TNR: variants seen among roughly 807,000 people sequenced by gnomAD.
The protein encoded by TNR is tenascin R.
Under a neutral mutation model 150.4 loss-of-function variants are expected in TNR, and 45 were observed. The ratio of observed to expected loss-of-function variants is 0.30; its 90% confidence interval spans 0.24 to 0.38. The LOEUF is 0.38. TNR is among the 10% of genes least tolerant of loss of function. The probability of loss-of-function intolerance (pLI) is 1.00; values close to 1 mark genes in which losing one functional copy is unlikely to be tolerated. For missense variants in TNR, 1,544 were observed against 1,759.1 expected (o/e 0.88, Z 2.19); for synonymous variants, 687 against 678.4 (o/e 1.01, Z -0.20).
At chr1:175,621,798 G>C (rs368350433) in intron 1 of TNR, among the ~76,000 whole-genome samples, 1 of 152,154 alleles carries the variant, frequency 6.6e-6, no homozygotes, top group Non-Finnish European at 1.5e-5. Context: ...CATTCAACAT[G>C]TTTTGAATTA....
At chr1:175,391,203 G>T (rs772831861) in intron 7 of TNR, 85 bp downstream of exon 7, 2 of 1,524,612 alleles carry the variant, frequency 1.3e-6, no homozygotes, top group Non-Finnish European at 1.8e-6. Flanking sequence ...CACCTCTGTT[G>T]TCTCTCCACT....
chr1:175,433,657 G>A (rs576424542), intron 2 of TNR, among the ~76,000 whole-genome samples: 50 of 152,266 alleles, frequency 3.3e-4, no homozygotes, highest in African/African-American at 1.2e-3. Flanking sequence ...TGTAGGAGAG[G>A]GCTTCATCAA....
At chr1:175,435,481 A>G (rs977278884) in intron 2 of TNR, among the ~76,000 whole-genome samples, 2 of 152,184 alleles carry the variant, frequency 1.3e-5, no homozygotes, top group African/African-American at 4.8e-5. Context: ...GGGACATATG[A>G]AATTTGAGAT....
Position 175,330,952 on chromosome 1 carries a change from C to T in TNR, c.3632-717G>A, listed in dbSNP as rs1046304181. ...CTAATATATTCTTTTAAGGTGCAAA[C>T]CTTTGTAAGTCCCCAGGTTAGGCAG... On this transcript the variant is annotated intron_variant, in intron 20 of 22. Coordinates refer to ENST00000367674, the MANE Select transcript of TNR (RefSeq NM_003285.3). Among the ~76,000 whole-genome samples the T allele has an allele frequency of 2.6e-5, 4 of 152,088 alleles. No individual in the cohort carries two copies. The East Asian group carries it at 7.7e-4, about 29-fold the overall frequency.
At chr1:175,431,756 G>A (rs1313497599) in intron 2 of TNR, among the ~76,000 whole-genome samples, 1 of 151,996 alleles carries the variant, frequency 6.6e-6, no homozygotes, top group Non-Finnish European at 1.5e-5. Flanking sequence ...TCCCTCAAGG[G>A]CAGAGCCAGA....
chr1:175,369,673 C>T (rs368162694), intron 9 of TNR, among the ~76,000 whole-genome samples: 20 of 150,086 alleles, frequency 1.3e-4, no homozygotes, highest in African/African-American at 2.2e-4. Flanking sequence ...GATGCCCCCC[C>T]GGATTCTGGT....
intron 1 of TNR, among the ~76,000 whole-genome samples, chr1:175,550,733 TCAAAA>T (rs572791470): frequency 4.1e-4 from 58 of 143,142 alleles, no homozygotes; most frequent in South Asian, 1.1e-3. Flanking sequence ...TAGAAAAAAA[TCAAAA>T]CAAAGAAGAA....
intron 1 of TNR, among the ~76,000 whole-genome samples, chr1:175,570,632 C>T (rs1193239728): frequency 6.6e-6 from 1 of 151,972 alleles, no homozygotes; most frequent in Non-Finnish European, 1.5e-5. Flanking sequence ...TTCTTCTTTC[C>T]TTTTTTCCTT....
intron 1 of TNR, among the ~76,000 whole-genome samples, chr1:175,592,863 C>G (rs1662854732): frequency 6.6e-6 from 1 of 152,206 alleles, no homozygotes; most frequent in Non-Finnish European, 1.5e-5. Context: ...ATCTTCTCCT[C>G]TCATCCTTCC....
At chr1:175,451,074 TGACCAAAGAGCTCA>T (rs1003421211) in intron 2 of TNR, among the ~76,000 whole-genome samples, 1 of 152,170 alleles carries the variant, frequency 6.6e-6, no homozygotes, top group Non-Finnish European at 1.5e-5. Context: ...TTGTTTTATC[TGACCAAAGAGCTCA>T]AAAACTTAGA....
At chr1:175,734,901 A>C in intron 1 of TNR, among the ~76,000 whole-genome samples, 1 of 152,242 alleles carries the variant, frequency 6.6e-6, no homozygotes. Context: ...CATTTGCAGA[A>C]AGACAGGAAG....
chr1:175,650,813 C>G (rs1054321189), intron 1 of TNR, among the ~76,000 whole-genome samples: 3 of 3,814 alleles, frequency 7.9e-4, no homozygotes, highest in African/African-American at 2.6e-3. Context: ...TACTACCTGT[C>G]CCCCACCTCC....
At chr1:175,539,554 T>C (rs1660420462) in intron 1 of TNR, among the ~76,000 whole-genome samples, 1 of 152,212 alleles carries the variant, frequency 6.6e-6, no homozygotes, top group Admixed American at 6.5e-5. Context: ...ACCTGCTGGC[T>C]CTGGAAGGTC....
intron 1 of TNR, among the ~76,000 whole-genome samples, chr1:175,714,374 C>T (rs1365524721): frequency 6.6e-6 from 1 of 152,124 alleles, no homozygotes; most frequent in African/African-American, 2.4e-5. Flanking sequence ...TTAAAATAAG[C>T]CAAATGAAGC....
chr1:175,405,822 A>G (rs1437207502), intron 3 of TNR, among the ~76,000 whole-genome samples: 3 of 152,100 alleles, frequency 2.0e-5, no homozygotes, highest in African/African-American at 7.2e-5. Context: ...GTTAACATGG[A>G]TAGATATCAA....
intron 1 of TNR, among the ~76,000 whole-genome samples, chr1:175,589,302 G>T (rs976252173): frequency 1.3e-5 from 2 of 152,274 alleles, no homozygotes; most frequent in South Asian, 4.2e-4. Flanking sequence ...TTGGGAAAGG[G>T]TTTAGATGAA....
At chr1:175,385,112 T>G (rs1049434994) in intron 8 of TNR, among the ~76,000 whole-genome samples, 1 of 152,206 alleles carries the variant, frequency 6.6e-6, no homozygotes, top group Non-Finnish European at 1.5e-5. Flanking sequence ...CTGGGTCAAC[T>G]TGGAGTTGGC....
At chr1:175,654,110 A>G (rs531126222) in intron 1 of TNR, among the ~76,000 whole-genome samples, 2 of 152,312 alleles carry the variant, frequency 1.3e-5, no homozygotes, top group South Asian at 2.1e-4. Flanking sequence ...TGATGCTCCA[A>G]CATATCCTTT....
chr1:175,560,144 C>T (rs1270906959), intron 1 of TNR, among the ~76,000 whole-genome samples: 1 of 152,248 alleles, frequency 6.6e-6, no homozygotes, highest in Non-Finnish European at 1.5e-5. Flanking sequence ...TCTGTACCTG[C>T]TCAGCTTTTG....
Sources: allele counts gnomAD v4.1 joint callset (sites outside exome capture counted in the v4.1 genomes callset), GRCh38; gene constraint gnomAD v4.1.1; transcripts MANE v1.5; gene names NCBI Gene and HGNC (gene_info 2026-07-23, HGNC 2026-07-21).